Variants in SOBP observed in about 807,000 individuals in gnomAD.
The protein encoded by SOBP is sine oculis-binding protein homolog.
A neutral mutation model predicts 53.6 loss-of-function variants in SOBP; 4 were observed. That is an observed-to-expected ratio of 0.07 (90% confidence interval 0.04 to 0.17). The LOEUF is 0.17. SOBP is among the 10% of genes least tolerant of loss of function. The probability of loss-of-function intolerance (pLI) is 1.00; values close to 1 mark genes in which losing one functional copy is unlikely to be tolerated. For synonymous variants in SOBP, 584 were observed against 522.6 expected (o/e 1.12, Z -1.60); for missense variants, 1,088 against 1,204.7 (o/e 0.90, Z 1.43).
chr6:107,500,816 C>T (rs939158606), intron 1 of SOBP, among the ~76,000 whole-genome samples: 1 of 152,196 alleles, frequency 6.6e-6, no homozygotes. Context: ...TGAGCCACCA[C>T]ACCCAGCCTT....
intron 3 of SOBP, chr6:107,529,536 A>T: frequency 1.0e-6 from 1 of 985,436 alleles, no homozygotes; most frequent in Non-Finnish European, 1.2e-6. Flanking sequence ...TGAAAGTTAC[A>T]AAGGGGTGGT....
chr6:107,557,413 G>A (rs1031851117), intron 4 of SOBP, among the ~76,000 whole-genome samples: 1 of 152,178 alleles, frequency 6.6e-6, no homozygotes, highest in Admixed American at 6.5e-5. Flanking sequence ...TTTGCTGTCT[G>A]TATATCAAAT....
At chr6:107,602,260 A>G (rs2115085516) in intron 5 of SOBP, among the ~76,000 whole-genome samples, 1 of 152,358 alleles carries the variant, frequency 6.6e-6, no homozygotes, top group South Asian at 2.1e-4. Context: ...TTTTGAAATT[A>G]GCTTCCTGAG....
chr6:107,529,122 G>GAATT (rs1381859508), intron 3 of SOBP, among the ~76,000 whole-genome samples: 1 of 152,184 alleles, frequency 6.6e-6, no homozygotes, highest in African/African-American at 2.4e-5. Context: ...AGAACACAGG[G>GAATT]AATTGTACAG....
At chr6:107,549,658 A>G (rs1351873389) in intron 4 of SOBP, among the ~76,000 whole-genome samples, 1 of 152,022 alleles carries the variant, frequency 6.6e-6, no homozygotes. Flanking sequence ...AGTACTTAGT[A>G]AGTATCAGTT....
chr6:107,500,724 A>G (rs1241429446), intron 1 of SOBP, among the ~76,000 whole-genome samples: 2 of 151,828 alleles, frequency 1.3e-5, no homozygotes, highest in Non-Finnish European at 2.9e-5. Flanking sequence ...ATGGGGTTTC[A>G]CCATGTTAGC....
intron 3 of SOBP, among the ~76,000 whole-genome samples, chr6:107,508,620 A>G (rs796073898): frequency 1.3e-4 from 20 of 152,228 alleles, no homozygotes; most frequent in African/African-American, 4.6e-4. Flanking sequence ...GAGGTCTTAG[A>G]TATGTCATTA....
chr6:107,500,378 TAA>T (rs752236655), intron 1 of SOBP, among the ~76,000 whole-genome samples: 48 of 112,108 alleles, frequency 4.3e-4, no homozygotes, highest in Admixed American at 4.8e-4. Context: ...AGACCCTGTC[TAA>T]AAAAAAAAAA....
At chr6:107,558,248 C>T (rs992214465) in intron 4 of SOBP, 13 of 152,062 alleles carry the variant, frequency 8.5e-5, no homozygotes, top group African/African-American at 3.1e-4. Flanking sequence ...TGTGTTTCTA[C>T]TATTTTCATA....
At chr6:107,568,171 G>A (rs1243186379) in intron 4 of SOBP, among the ~76,000 whole-genome samples, 2 of 151,718 alleles carry the variant, frequency 1.3e-5, no homozygotes, top group Non-Finnish European at 2.9e-5. Flanking sequence ...TCCAATTATT[G>A]ACTCCATTGT....
At chr6:107,610,806 A>G (rs1397872848) in intron 5 of SOBP, among the ~76,000 whole-genome samples, 4 of 138,284 alleles carry the variant, frequency 2.9e-5, no homozygotes, top group African/African-American at 7.5e-5. Context: ...GCACACACAC[A>G]CACACACACA....
At chr6:107,561,626 TA>T (rs1203960265) in intron 4 of SOBP, among the ~76,000 whole-genome samples, 1 of 152,214 alleles carries the variant, frequency 6.6e-6, no homozygotes, top group Non-Finnish European at 1.5e-5. Flanking sequence ...AGCTCTGATA[TA>T]ATAAAGGAGC....
At chr6:107,583,405 G>A (rs1400039407) in intron 4 of SOBP, among the ~76,000 whole-genome samples, 1 of 152,204 alleles carries the variant, frequency 6.6e-6, no homozygotes, top group African/African-American at 2.4e-5. Flanking sequence ...GTTTGGGAAG[G>A]CCTTTTTAAG....
rs897841369 is a variant in SOBP, at chr6:107,633,899, C to G, written c.1055C>G (p.Ser352Cys). 1.2e-6 allele frequency: 2 copies of G among 1,614,242 alleles called. No individual in the cohort carries two copies. The highest frequency in any genetic ancestry group is 1.7e-6 in the Non-Finnish European group (2 of 1,180,042). ...VTKIPTPVPK[S>C]IPISETPNIP... ...AAAATCCCCACGCCAGTGCCCAAGT[C>G]CATCCCCATCAGCGAGACTCCAAAT... The change falls in exon 6 of 7, where the codon TCC becomes TGC. Residue 352 changes from serine (S) to cysteine (C), a missense_variant. By Grantham distance (112) the Ser-to-Cys change is moderately radical. This residue lies in a region of SOBP where 211 missense variants were observed against 258.9 expected (regional missense o/e 0.82). Coordinates refer to ENST00000317357, the MANE Select transcript of SOBP (RefSeq NM_018013.4).
intron 5 of SOBP, among the ~76,000 whole-genome samples, chr6:107,625,143 C>T (rs1399130181): frequency 6.6e-6 from 1 of 152,104 alleles, no homozygotes; most frequent in East Asian, 1.9e-4. Flanking sequence ...GGTACTAGAG[C>T]TTAAATAAAG....
chr6:107,546,998 G>A (rs1429331694), intron 4 of SOBP, among the ~76,000 whole-genome samples: 1 of 152,076 alleles, frequency 6.6e-6, no homozygotes, highest in Non-Finnish European at 1.5e-5. Flanking sequence ...CCATCCCAGG[G>A]GTTTATATTA....
At chr6:107,637,513 A>AT (rs1771099739) in intron 6 of SOBP, among the ~76,000 whole-genome samples, 1 of 152,254 alleles carries the variant, frequency 6.6e-6, no homozygotes, top group Non-Finnish European at 1.5e-5. Context: ...AGTCACCTCA[A>AT]TTGAAAATGC....
chr6:107,583,595 A>G (rs1433993485), intron 4 of SOBP, among the ~76,000 whole-genome samples: 2 of 152,052 alleles, frequency 1.3e-5, no homozygotes, highest in Non-Finnish European at 2.9e-5. Flanking sequence ...GCGCGATCAT[A>G]GCTCAACATA....
At position 107,643,506 on chromosome 6, in the gene SOBP, T is replaced by G. The variant is rs12661102; in HGVS notation, c.*3+8037T>G. 8.1e-3 allele frequency among the ~76,000 whole-genome samples: 1,231 copies of G among 152,288 alleles called. 19 individuals are homozygous for G. Among genetic ancestry groups the G allele is most frequent in the East Asian group, 0.054 (283 of 5,194 alleles). ...ATCTCGGCCCACTATAACCTCTGCCTTCTGGGTTCAAGCAATTCTCCTGCC... is the reference window on the plus strand; with the variant it reads ...ATCTCGGCCCACTATAACCTCTGCCGTCTGGGTTCAAGCAATTCTCCTGCC... On this transcript the variant is annotated intron_variant, in intron 6 of 6. Transcript: ENST00000317357.
Sources: gnomAD v4.1 joint callset for allele counts (sites outside exome capture counted in the v4.1 genomes callset) on GRCh38, gnomAD v4.1.1 for gene constraint, gnomAD v4.1.1 regional missense constraint, MANE v1.5 for transcripts, NCBI Gene and HGNC (gene_info 2026-07-23, HGNC 2026-07-21) for gene names.